The following SH3GLB1 variants were observed in gnomAD, a reference collection of about 807,000 sequenced individuals.
SH3GLB1 encodes the protein endophilin-B1.
Under a neutral mutation model 42.0 loss-of-function variants are expected in SH3GLB1, and 17 were observed. The ratio of observed to expected loss-of-function variants is 0.40; its 90% CI spans 0.28 to 0.61. The LOEUF (loss-of-function observed/expected upper bound fraction) is 0.61. Ranked by LOEUF, SH3GLB1 falls within the 20% of genes least tolerant of loss-of-function variation. The probability of loss-of-function intolerance (pLI) is 0.36; values close to 1 mark genes in which losing one functional copy is unlikely to be tolerated. For missense variants in SH3GLB1, 355 were observed against 426.3 expected (o/e 0.83, Z 1.47); for synonymous variants, 132 against 146.6 (o/e 0.90, Z 0.72).
In SH3GLB1 at chr1:86,736,998, GTAA is replaced by G. The variant is rs553601047; in HGVS notation, c.761+1820_761+1822del. Among the ~76,000 whole-genome samples, 266 of 152,304 alleles carry G rather than the reference GTAA, an allele frequency of 1.7e-3. 1 individual carries two copies. Among genetic ancestry groups the G allele is most frequent in the African/African-American group, 6.1e-3 (253 of 41,566 alleles). ...ATAACAGTACCAACAGGTAGTAGAAGTAACTGAATAACAGCCATCACTTTGGTT... is the reference window on the plus strand; with the variant it reads ...ATAACAGTACCAACAGGTAGTAGAAGCTGAATAACAGCCATCACTTTGGTT... On this transcript the variant is annotated intron_variant, in intron 7 of 8. Transcript: ENST00000370558.
At chr1:86,712,682 G>A (rs1654280003) in intron 1 of SH3GLB1, among the ~76,000 whole-genome samples, 1 of 151,914 alleles carries the variant, frequency 6.6e-6, no homozygotes, top group South Asian at 2.1e-4. Context: ...CTACAGTACT[G>A]CTATTTTCTA....
chr1:86,732,417 A>G (rs146867081), intron 5 of SH3GLB1, among the ~76,000 whole-genome samples: 2 of 152,272 alleles, frequency 1.3e-5, no homozygotes, highest in African/African-American at 2.4e-5. Flanking sequence ...TCTAATGTGG[A>G]TCATTTTCTT....
At chr1:86,737,815 G>C (rs898164084) in intron 7 of SH3GLB1, among the ~76,000 whole-genome samples, 1 of 152,176 alleles carries the variant, frequency 6.6e-6, no homozygotes, top group Non-Finnish European at 1.5e-5. Flanking sequence ...AGTAGAGAAA[G>C]ACGTGAGAAA....
In SH3GLB1 at chr1:86,704,743, C is replaced by T. The variant is rs919569909; in HGVS notation, c.-157C>T. On this transcript the variant is annotated 5_prime_UTR_variant, in exon 1 of 9. Coordinates refer to ENST00000370558, the MANE Select transcript of SH3GLB1 (RefSeq NM_016009.5). ...TCCCTCGCCCCGCCTTCATCCTCCC[C>T]GTTCACGGAAACGACAGCTGCGGCT... The T allele has an allele frequency of 7.7e-5, 38 of 491,592 alleles. 1 individual carries two copies. In the East Asian group the frequency reaches 1.4e-3, roughly 19 times the overall value. 30.5% of individuals were successfully genotyped at this position (491,592 alleles called of 1,614,324 possible).
rs959191264 is a variant in SH3GLB1, at chr1:86,742,137, GCCA to G, written c.762-68_762-66del. The G allele has an allele frequency of 1.2e-4, 133 of 1,068,904 alleles. 1 individual carries two copies. The Admixed American group carries it at 1.9e-3, about 15-fold the overall frequency. 66.2% of individuals were successfully genotyped at this position (1,068,904 alleles called of 1,614,324 possible). A position where few individuals can be genotyped will look rare whatever the true frequency, so the allele number is the denominator to read the frequency against. On this transcript the variant is annotated intron_variant, in intron 7 of 8. Transcript: ENST00000370558. ...TGAAGGTTGGTAGAAAGTAAACAGC[GCCA>G]CCGAGTGGTGGTATTAAGGAGCTTT...
rs1656279057 is a variant in SH3GLB1 at position 86,745,942 on chromosome 1, A to C, written c.*2707A>C. The C allele has an allele frequency of 6.5e-6, 1 of 152,774 alleles. No individual in the cohort carries two copies. The highest frequency in any genetic ancestry group is 2.1e-4 in the South Asian group (1 of 4,830). 9.5% of individuals were successfully genotyped at this position (152,774 alleles called of 1,614,324 possible). ...AACTAAAATAATTGTAGGCTCTTCT[A>C]TAAATGAAAAAAAAAGTGATTGGAT... On this transcript the variant is annotated 3_prime_UTR_variant, in exon 9 of 9. Transcript: ENST00000370558.
At chr1:86,714,429 G>C (rs924359632) in intron 1 of SH3GLB1, among the ~76,000 whole-genome samples, 1 of 152,166 alleles carries the variant, frequency 6.6e-6, no homozygotes, top group Non-Finnish European at 1.5e-5. Flanking sequence ...CTACCCACTA[G>C]GTCAGGGGCT....
At chr1:86,713,041 AT>A (rs1399163290) in intron 1 of SH3GLB1, among the ~76,000 whole-genome samples, 8 of 152,180 alleles carry the variant, frequency 5.3e-5, no homozygotes, top group Non-Finnish European at 8.8e-5. Flanking sequence ...TAACTTTCTA[AT>A]TGCTGATTTT....
At chr1:86,712,716 G>A (rs549467311) in intron 1 of SH3GLB1, among the ~76,000 whole-genome samples, 168 of 151,894 alleles carry the variant, frequency 1.1e-3, no homozygotes, top group African/African-American at 4.0e-3. Context: ...TAATTAGACT[G>A]TCTCACTCAT....
Position 86,742,521 on chromosome 1 carries a change from G to A in SH3GLB1, c.990+85G>A, listed in dbSNP as rs1228024523. Reference sequence around the variant, plus strand: ...ATAACAAAATGCAAATTCCTCATTAGTTATTTGGAAATGGTTTCATAGATT... The same window carrying A: ...ATAACAAAATGCAAATTCCTCATTAATTATTTGGAAATGGTTTCATAGATT... On this transcript the variant is annotated intron_variant, in intron 8 of 8. Coordinates refer to ENST00000370558, the MANE Select transcript of SH3GLB1 (RefSeq NM_016009.5). 12 of 956,240 alleles carry A rather than the reference G, an allele frequency of 1.3e-5. No individual in the cohort carries two copies. In the South Asian group the frequency reaches 2.0e-4, roughly 16 times the overall value. 59.2% of individuals were successfully genotyped at this position (956,240 alleles called of 1,614,324 possible). A position where few individuals can be genotyped will look rare whatever the true frequency, so the allele number is the denominator to read the frequency against.
At chr1:86,740,535 T>C (rs1656008495) in intron 7 of SH3GLB1, among the ~76,000 whole-genome samples, 1 of 152,192 alleles carries the variant, frequency 6.6e-6, no homozygotes, top group Admixed American at 6.5e-5. Flanking sequence ...ACTATGGACA[T>C]GAAGAAGGTG....
intron 2 of SH3GLB1, among the ~76,000 whole-genome samples, chr1:86,717,648 C>G (rs981331862): frequency 2.0e-5 from 3 of 152,068 alleles, no homozygotes; most frequent in African/African-American, 7.2e-5. Flanking sequence ...TCTCGAACTC[C>G]CGACCTCAGG....
chr1:86,714,512 C>T (rs1654399061), intron 1 of SH3GLB1, among the ~76,000 whole-genome samples: 2 of 152,168 alleles, frequency 1.3e-5, no homozygotes, highest in Admixed American at 6.5e-5. Context: ...AGCCCCTAAA[C>T]AGGAGCCTCA....
At chr1:86,737,520 A>T (rs1023128465) in intron 7 of SH3GLB1, among the ~76,000 whole-genome samples, 2 of 152,226 alleles carry the variant, frequency 1.3e-5, no homozygotes, top group Non-Finnish European at 2.9e-5. Flanking sequence ...TGAGGAAAGG[A>T]TACTAGGACA....
intron 5 of SH3GLB1, chr1:86,730,083 G>C (rs1156812604): frequency 6.3e-7 from 1 of 1,593,478 alleles, no homozygotes; most frequent in Non-Finnish European, 8.6e-7. Flanking sequence ...TTTAATGCTG[G>C]CTAGATTTGG....
intron 5 of SH3GLB1, among the ~76,000 whole-genome samples, chr1:86,727,551 G>A (rs986735086): frequency 6.6e-6 from 1 of 152,094 alleles, no homozygotes; most frequent in East Asian, 1.9e-4. Context: ...TAGCCAGTAA[G>A]TATAATGCAA....
chr1:86,721,714 G>A (rs1654869200), intron 3 of SH3GLB1, among the ~76,000 whole-genome samples: 1 of 152,184 alleles, frequency 6.6e-6, no homozygotes, highest in South Asian at 2.1e-4. Flanking sequence ...GTAGAAACAG[G>A]ACAAATTGTG....
chr1:86,711,249 G>T (rs1654193256), intron 1 of SH3GLB1, among the ~76,000 whole-genome samples: 1 of 151,438 alleles, frequency 6.6e-6, no homozygotes, highest in Non-Finnish European at 1.5e-5. Flanking sequence ...TTTTCTAAAA[G>T]TAGAGTTTGG....
chr1:86,735,683 G>A (rs572459807), intron 7 of SH3GLB1, among the ~76,000 whole-genome samples: 1 of 152,272 alleles, frequency 6.6e-6, no homozygotes, highest in Non-Finnish European at 1.5e-5. Context: ...CATTCATCAC[G>A]TATTTATTGA....
Sources: gnomAD v4.1 joint callset for allele counts (sites outside exome capture counted in the v4.1 genomes callset) on GRCh38, gnomAD v4.1.1 for gene constraint, MANE v1.5 for transcripts, NCBI Gene and HGNC (gene_info 2026-07-23, HGNC 2026-07-21) for gene names.